The following WDR70 variants were observed in gnomAD, a reference collection of about 807,000 sequenced individuals.
WDR70 encodes WD repeat domain 70.
In WDR70, 53 loss-of-function variants were observed where a neutral mutation model predicts 88.6. That is an observed-to-expected ratio of 0.60 (90% confidence interval 0.48 to 0.75). WDR70 has a LOEUF of 0.75. Ranked by LOEUF, WDR70 falls within the 30% of genes least tolerant of loss-of-function variation. WDR70 has a pLI of 0.00. For missense variants in WDR70, 610 were observed against 823.2 expected (o/e 0.74, Z 3.17); for synonymous variants, 280 against 270.0 (o/e 1.04, Z -0.36).
At chr5:37,646,929 T>A (rs1745256509) in intron 10 of WDR70, among the ~76,000 whole-genome samples, 1 of 152,220 alleles carries the variant, frequency 6.6e-6, no homozygotes, top group African/African-American at 2.4e-5. Flanking sequence ...TTCTCTGTAA[T>A]TACCCCTTTG....
chr5:37,436,360 A>G (rs1029288928), intron 5 of WDR70, among the ~76,000 whole-genome samples: 8 of 152,300 alleles, frequency 5.3e-5, no homozygotes, highest in Admixed American at 2.0e-4. Flanking sequence ...ACTGAGAGTC[A>G]TAACTTTGCT....
chr5:37,418,211 T>A (rs1749821893), intron 5 of WDR70, among the ~76,000 whole-genome samples: 1 of 152,168 alleles, frequency 6.6e-6, no homozygotes, highest in African/African-American at 2.4e-5. Flanking sequence ...TTATGAATTT[T>A]ATTTTATTTT....
intron 8 of WDR70, among the ~76,000 whole-genome samples, chr5:37,509,503 G>A (rs1251226078): frequency 6.6e-6 from 1 of 151,770 alleles, no homozygotes; most frequent in Admixed American, 6.6e-5. Flanking sequence ...TGGGACTGTA[G>A]GCATGAGCCA....
At chr5:37,487,678 T>C (rs1425439985) in intron 8 of WDR70, among the ~76,000 whole-genome samples, 1 of 146,290 alleles carries the variant, frequency 6.8e-6, no homozygotes, top group East Asian at 2.0e-4. Context: ...CAGGCTAGAG[T>C]GCAGTGGTGC....
chr5:37,640,624 A>G (rs1204467954), intron 10 of WDR70, among the ~76,000 whole-genome samples: 1 of 152,170 alleles, frequency 6.6e-6, no homozygotes, highest in Non-Finnish European at 1.5e-5. Context: ...ATGTTAGCTT[A>G]CCTTTTGATC....
intron 6 of WDR70, among the ~76,000 whole-genome samples, chr5:37,441,790 C>G (rs1446126790): frequency 1.3e-5 from 2 of 152,086 alleles, no homozygotes; most frequent in Non-Finnish European, 2.9e-5. Flanking sequence ...TGCACTCCAG[C>G]CTGGATGACA....
At chr5:37,619,018 T>C (rs1744428498) in intron 10 of WDR70, among the ~76,000 whole-genome samples, 1 of 152,198 alleles carries the variant, frequency 6.6e-6, no homozygotes, top group African/African-American at 2.4e-5. Flanking sequence ...AAATTATGCC[T>C]TTTTAAAAAA....
intron 10 of WDR70, among the ~76,000 whole-genome samples, chr5:37,662,281 G>A (rs1745722146): frequency 6.6e-6 from 1 of 152,192 alleles, no homozygotes; most frequent in Non-Finnish European, 1.5e-5. Context: ...TTTAAGAGAA[G>A]ATTCTGAGCT....
intron 5 of WDR70, among the ~76,000 whole-genome samples, chr5:37,406,772 G>A (rs768188876): frequency 2.6e-5 from 4 of 152,100 alleles, no homozygotes; most frequent in Admixed American, 1.3e-4. Flanking sequence ...GGAAACTTTC[G>A]TATCATTTGA....
In WDR70 at chr5:37,470,920, C is replaced by T. The variant is rs112210389; in HGVS notation, c.687-8914C>T. Among the ~76,000 whole-genome samples, 1,321 of 150,734 alleles carry T rather than the reference C, an allele frequency of 8.8e-3. 24 individuals carry two copies. Among genetic ancestry groups the T allele is most frequent in the African/African-American group, 0.03 (1,250 of 41,086 alleles). On this transcript the variant is annotated intron_variant, in intron 7 of 17. Coordinates refer to ENST00000265107, the MANE Select transcript of WDR70 (RefSeq NM_018034.4). ...TTTTTTTTTTTGAGACCGAGTCTCA[C>T]TCTGTTGCCCAGGCTGGAGTGCAGT...
chr5:37,750,448 A>G (rs1341689342), intron 17 of WDR70, among the ~76,000 whole-genome samples: 1 of 152,170 alleles, frequency 6.6e-6, no homozygotes, highest in Non-Finnish European at 1.5e-5. Flanking sequence ...AGGCAGGAGG[A>G]TCACTTGAGC....
intron 5 of WDR70, among the ~76,000 whole-genome samples, chr5:37,411,150 AAGGTCTTGCTGTGTTGCTC>A (rs141794669): frequency 0.018 from 2,768 of 152,288 alleles, 62 homozygotes; most frequent in Admixed American, 0.063. Context: ...TTGTGGAAAT[AAGGTCTTGCTGTGTTGCTC>A]AGGTTGGTCT....
At chr5:37,669,517 ATCC>A (rs1745960771) in intron 10 of WDR70, among the ~76,000 whole-genome samples, 1 of 152,194 alleles carries the variant, frequency 6.6e-6, no homozygotes, top group South Asian at 2.1e-4. Context: ...GACTGAAGCT[ATCC>A]TCCTGGGCAA....
intron 8 of WDR70, among the ~76,000 whole-genome samples, chr5:37,494,377 AAC>A (rs762830069): frequency 9.2e-5 from 14 of 152,214 alleles, no homozygotes; most frequent in Non-Finnish European, 1.8e-4. Context: ...AATTTGTAGA[AAC>A]AATCATTCTG....
intron 9 of WDR70, among the ~76,000 whole-genome samples, chr5:37,537,903 T>C (rs978734452): frequency 2.0e-5 from 3 of 152,194 alleles, no homozygotes; most frequent in Admixed American, 2.0e-4. Flanking sequence ...TTCGTAGGTC[T>C]AATACTGTAA....
intron 17 of WDR70, among the ~76,000 whole-genome samples, chr5:37,751,166 G>A (rs1303499000): frequency 1.3e-5 from 2 of 152,198 alleles, no homozygotes; most frequent in Non-Finnish European, 2.9e-5. Context: ...TAACTGGTCA[G>A]CATCTTTGCC....
At chr5:37,517,799 C>T (rs925400595) in intron 9 of WDR70, among the ~76,000 whole-genome samples, 9 of 149,974 alleles carry the variant, frequency 6.0e-5, no homozygotes, top group East Asian at 3.9e-4. Context: ...CTCCTCCCTT[C>T]GTGTTACAAA....
chr5:37,521,811 T>C (rs1741102836), intron 9 of WDR70, among the ~76,000 whole-genome samples: 1 of 152,078 alleles, frequency 6.6e-6, no homozygotes, highest in South Asian at 2.1e-4. Context: ...CAATTGCAAA[T>C]TGTGACCCTA....
At chr5:37,539,825 G>A (rs184109067) in intron 9 of WDR70, among the ~76,000 whole-genome samples, 15 of 152,280 alleles carry the variant, frequency 9.9e-5, no homozygotes, top group Admixed American at 6.5e-4. Context: ...AAATATTACA[G>A]CACAGGAATA....
Sources: gnomAD v4.1 joint callset for allele counts (sites outside exome capture counted in the v4.1 genomes callset) on GRCh38, gnomAD v4.1.1 for gene constraint, MANE v1.5 for transcripts, NCBI Gene and HGNC (gene_info 2026-07-23, HGNC 2026-07-21) for gene names.